Variants in BRINP3 observed in about 807,000 individuals in gnomAD.
BRINP3 encodes BMP/retinoic acid-inducible neural-specific protein 3.
Under a neutral mutation model 71.0 loss-of-function variants are expected in BRINP3, and 19 were observed. That is an observed-to-expected ratio of 0.27 (90% CI 0.19 to 0.39). The LOEUF is 0.39. BRINP3 is among the 10% of genes least tolerant of loss of function. BRINP3 has a pLI of 1.00. For synonymous variants in BRINP3, 380 were observed against 337.7 expected (o/e 1.13, Z -1.37); for missense variants, 959 against 940.8 (o/e 1.02, Z -0.25).
At chr1:190,352,119 T>C (rs1275618474) in intron 2 of BRINP3, among the ~76,000 whole-genome samples, 3 of 151,920 alleles carry the variant, frequency 2.0e-5, no homozygotes, top group Non-Finnish European at 2.9e-5. Context: ...ACTAGTAATT[T>C]AAAAAAGGAA....
chr1:190,155,330 G>A (rs919868008), intron 7 of BRINP3, among the ~76,000 whole-genome samples: 5 of 151,978 alleles, frequency 3.3e-5, no homozygotes, highest in Non-Finnish European at 7.4e-5. Flanking sequence ...TGTGTGTCCT[G>A]ACTCAGAAGA....
chr1:190,246,639 T>A (rs1034861195), intron 4 of BRINP3, among the ~76,000 whole-genome samples: 3 of 152,078 alleles, frequency 2.0e-5, no homozygotes, highest in African/African-American at 7.2e-5. Context: ...TTACTTAATA[T>A]TATTGAGGGA....
chr1:190,299,474 G>A (rs928431371), intron 2 of BRINP3, among the ~76,000 whole-genome samples: 5 of 150,840 alleles, frequency 3.3e-5, no homozygotes, highest in Non-Finnish European at 7.4e-5. Flanking sequence ...GGGTACATGT[G>A]CACAATGTGC....
intron 2 of BRINP3, among the ~76,000 whole-genome samples, chr1:190,419,577 T>C (rs1673227053): frequency 2.0e-5 from 3 of 151,950 alleles, no homozygotes; most frequent in Non-Finnish European, 4.4e-5. Flanking sequence ...CAACTTGTGA[T>C]AGCTGACACC....
At chr1:190,437,295 G>A (rs1674529267) in intron 2 of BRINP3, among the ~76,000 whole-genome samples, 1 of 151,786 alleles carries the variant, frequency 6.6e-6, no homozygotes, top group Non-Finnish European at 1.5e-5. Flanking sequence ...CCACAGAGTT[G>A]TGAGACACAA....
chr1:190,173,982 G>A (rs1190363838), intron 6 of BRINP3, among the ~76,000 whole-genome samples: 1 of 152,160 alleles, frequency 6.6e-6, no homozygotes, highest in Non-Finnish European at 1.5e-5. Flanking sequence ...AAAAATTGGA[G>A]GAAACAACAT....
intron 4 of BRINP3, among the ~76,000 whole-genome samples, chr1:190,246,619 C>CA (rs1296972279): frequency 1.3e-5 from 2 of 151,958 alleles, no homozygotes; most frequent in Admixed American, 1.3e-4. Flanking sequence ...ACTATTCATT[C>CA]AAATTTAATT....
intron 2 of BRINP3, among the ~76,000 whole-genome samples, chr1:190,402,717 T>C (rs1446834616): frequency 9.9e-5 from 15 of 152,208 alleles, no homozygotes; most frequent in Admixed American, 9.8e-4. Context: ...TATTTATTTG[T>C]TCTTCATTTA....
intron 2 of BRINP3, among the ~76,000 whole-genome samples, chr1:190,398,572 A>AAG (rs1197917970): frequency 6.6e-6 from 1 of 152,012 alleles, no homozygotes; most frequent in African/African-American, 2.4e-5. Flanking sequence ...TATGATTGCT[A>AAG]GCAAATAGGC....
At chr1:190,452,241 A>G (rs12043892) in intron 2 of BRINP3, among the ~76,000 whole-genome samples, 2 of 152,124 alleles carry the variant, frequency 1.3e-5, no homozygotes, top group Non-Finnish European at 2.9e-5. Context: ...ACCCTAATGA[A>G]TAAATTATAC....
At chr1:190,102,320 C>G (rs1018702085) in intron 7 of BRINP3, among the ~76,000 whole-genome samples, 1 of 152,092 alleles carries the variant, frequency 6.6e-6, no homozygotes, top group African/African-American at 2.4e-5. Flanking sequence ...TATCTTAAAA[C>G]TGTAAAAGAA....
At chr1:190,103,388 CA>C (rs1179742333) in intron 7 of BRINP3, among the ~76,000 whole-genome samples, 1 of 151,712 alleles carries the variant, frequency 6.6e-6, no homozygotes, top group Non-Finnish European at 1.5e-5. Context: ...TTTGACTATA[CA>C]TTTTTTTTGT....
intron 4 of BRINP3, among the ~76,000 whole-genome samples, chr1:190,256,891 C>A (rs1386068925): frequency 1.3e-5 from 2 of 152,074 alleles, no homozygotes; most frequent in African/African-American, 2.4e-5. Flanking sequence ...TGTGGGTAAC[C>A]CGACCTTTCT....
chr1:190,164,611 G>A (rs964744917), intron 6 of BRINP3, among the ~76,000 whole-genome samples: 2 of 151,954 alleles, frequency 1.3e-5, no homozygotes, highest in African/African-American at 2.4e-5. Context: ...ATTTTTTAGA[G>A]ACAAGGTTTC....
At position 190,160,809 on chromosome 1, in the gene BRINP3, T is replaced by G; in HGVS notation, c.1043A>C (p.Asp348Ala). The change falls in exon 7 of 8, where the codon GAT (aspartate) becomes GCT (alanine). Residue 348 changes from aspartate (D) to alanine (A), a missense_variant. Asp to Ala is a moderately radical substitution (Grantham distance 126). Coordinates refer to ENST00000367462, the MANE Select transcript of BRINP3 (RefSeq NM_199051.3). ...TSTIMHLWTM[D>A]SNFQRRYEQL... ...TTCATAACGGCGCTGAAAATTAGAA[T>G]CCATTGTCCACAAATGCATTATAGT... is the stretch of plus-strand genomic sequence containing the variant. The G allele has an allele frequency of 6.2e-7, 1 of 1,613,668 alleles. No individual in the cohort carries two copies. Among genetic ancestry groups the G allele is most frequent in the Non-Finnish European group, 8.5e-7 (1 of 1,179,728 alleles).
chr1:190,225,710 A>C (rs1332783173), intron 6 of BRINP3, among the ~76,000 whole-genome samples: 2 of 152,022 alleles, frequency 1.3e-5, no homozygotes, highest in African/African-American at 4.8e-5. Flanking sequence ...ATGTTGAAAA[A>C]GGTATAGAAC....
chr1:190,432,420 G>A (rs2102513894), intron 2 of BRINP3, among the ~76,000 whole-genome samples: 1 of 152,168 alleles, frequency 6.6e-6, no homozygotes, highest in Non-Finnish European at 1.5e-5. Flanking sequence ...ATTAAAGAAT[G>A]GTGATATTCA....
intron 7 of BRINP3, among the ~76,000 whole-genome samples, chr1:190,129,366 A>G (rs1654348334): frequency 6.6e-6 from 1 of 151,908 alleles, no homozygotes; most frequent in Non-Finnish European, 1.5e-5. Context: ...CTACTAGATT[A>G]AGAGTGCATG....
At chr1:190,101,578 C>T (rs576861429) in intron 7 of BRINP3, among the ~76,000 whole-genome samples, 1 of 152,116 alleles carries the variant, frequency 6.6e-6, no homozygotes, top group South Asian at 2.1e-4. Context: ...TTTTTCATTG[C>T]TACCTTTCTC....
Sources: allele counts gnomAD v4.1 joint callset (sites outside exome capture counted in the v4.1 genomes callset), GRCh38; gene constraint gnomAD v4.1.1; transcripts MANE v1.5; gene names NCBI Gene and HGNC (gene_info 2026-07-23, HGNC 2026-07-21).